Variants in PGCKA1 observed in about 807,000 individuals in gnomAD.
PGCKA1 encodes the protein PDCD10 and GCKIII kinases associated 1.
At chr4:37,532,824 C>G in the PGCKA1 span, among the ~76,000 whole-genome samples, 1 of 152,096 alleles carries the variant, frequency 6.6e-6, no homozygotes, top group African/African-American at 2.4e-5. Flanking sequence ...TGAATACTGT[C>G]AAGAAGTCTT....
At chr4:37,504,345 T>C in the PGCKA1 span, among the ~76,000 whole-genome samples, 1 of 152,218 alleles carries the variant, frequency 6.6e-6, no homozygotes, top group Non-Finnish European at 1.5e-5. Flanking sequence ...TAGCTTAATT[T>C]GAAGTTAGGG....
At chr4:37,554,604 T>C in the PGCKA1 span, among the ~76,000 whole-genome samples, 2 of 152,290 alleles carry the variant, frequency 1.3e-5, no homozygotes, top group African/African-American at 4.8e-5. Context: ...TGCCTCAGCC[T>C]CCCAAAGTGC....
chr4:37,573,990 C>A, the PGCKA1 span, among the ~76,000 whole-genome samples: 2 of 152,142 alleles, frequency 1.3e-5, no homozygotes, highest in African/African-American at 4.8e-5. Context: ...GAGTTCAAGA[C>A]CAGCCTGGCC....
the PGCKA1 span, among the ~76,000 whole-genome samples, chr4:37,564,592 C>T: frequency 0.033 from 5,010 of 151,986 alleles, 228 homozygotes; most frequent in East Asian, 0.14. Flanking sequence ...CTGTAACCTC[C>T]GCCTCTTGGA....
chr4:37,544,436 T>C, the PGCKA1 span, among the ~76,000 whole-genome samples: 30 of 152,278 alleles, frequency 2.0e-4, no homozygotes, highest in African/African-American at 5.8e-4. Context: ...ATTCCTTCCC[T>C]TCTTTTGTTT....
chr4:37,518,986 TGGATATCCAGTCTTCCCA>T, the PGCKA1 span, among the ~76,000 whole-genome samples: 2 of 152,362 alleles, frequency 1.3e-5, no homozygotes, highest in South Asian at 4.1e-4. Context: ...CTTCTGTATA[TGGATATCCAGTCTTCCCA>T]GGACCATTTA....
chr4:37,561,713 G>T, the PGCKA1 span, among the ~76,000 whole-genome samples: 1 of 152,300 alleles, frequency 6.6e-6, no homozygotes, highest in South Asian at 2.1e-4. Flanking sequence ...CAAACAAGGA[G>T]TTAGTGAATA....
chr4:37,590,854 G>A, the PGCKA1 span: 4 of 1,614,242 alleles, frequency 2.5e-6, no homozygotes, highest in Non-Finnish European at 2.5e-6. Context: ...CATGCCTGTG[G>A]TTGACTCAGG....
chr4:37,549,635 G>A, the PGCKA1 span, among the ~76,000 whole-genome samples: 32 of 152,178 alleles, frequency 2.1e-4, no homozygotes, highest in Admixed American at 5.2e-4. Context: ...GAAAATCCCC[G>A]CATAACCATT....
At chr4:37,495,750 A>G in the PGCKA1 span, among the ~76,000 whole-genome samples, 2 of 152,134 alleles carry the variant, frequency 1.3e-5, no homozygotes, top group Non-Finnish European at 2.9e-5. Context: ...AGAAATATCT[A>G]AAGTAGATGA....
At chr4:37,585,838 C>T in the PGCKA1 span, among the ~76,000 whole-genome samples, 1 of 151,886 alleles carries the variant, frequency 6.6e-6, no homozygotes, top group African/African-American at 2.4e-5. Flanking sequence ...ATAGCAAAAG[C>T]GATTTTTCTG....
the PGCKA1 span, among the ~76,000 whole-genome samples, chr4:37,511,581 G>GGC: frequency 3.7e-5 from 4 of 108,178 alleles, no homozygotes; most frequent in Non-Finnish European, 7.9e-5. Flanking sequence ...CAAGATGCAA[G>GGC]ACAGTTGTCC....
At chr4:37,457,622 G>A in the PGCKA1 span, among the ~76,000 whole-genome samples, 44 of 152,114 alleles carry the variant, frequency 2.9e-4, no homozygotes, top group Non-Finnish European at 5.7e-4. Context: ...TTATTAACGT[G>A]CAATAAATAC....
At chr4:37,524,940 C>A in the PGCKA1 span, among the ~76,000 whole-genome samples, 2 of 152,084 alleles carry the variant, frequency 1.3e-5, no homozygotes, top group African/African-American at 4.8e-5. Context: ...AAGGGAAAAA[C>A]CAAAGGATTT....
chr4:37,580,593 C>T, the PGCKA1 span, among the ~76,000 whole-genome samples: 2 of 152,204 alleles, frequency 1.3e-5, no homozygotes, highest in South Asian at 4.1e-4. Flanking sequence ...CGGGCAGACT[C>T]TTGTTCCCCA....
At chr4:37,585,913 T>C in the PGCKA1 span, among the ~76,000 whole-genome samples, 1 of 151,992 alleles carries the variant, frequency 6.6e-6, no homozygotes, top group Non-Finnish European at 1.5e-5. Flanking sequence ...TTGATAGAAA[T>C]ATACCATGTA....
the PGCKA1 span, among the ~76,000 whole-genome samples, chr4:37,527,364 G>A: frequency 6.6e-6 from 1 of 152,108 alleles, no homozygotes; most frequent in Admixed American, 6.5e-5. Flanking sequence ...TCCAGTAATA[G>A]CCTAGGCTTC....
chr4:37,463,221 G>A, the PGCKA1 span, among the ~76,000 whole-genome samples: 1 of 152,128 alleles, frequency 6.6e-6, no homozygotes, highest in Non-Finnish European at 1.5e-5. Flanking sequence ...AGCCACTGGT[G>A]AGCAGTGTAG....
chr4:37,586,661 G>A, the PGCKA1 span, among the ~76,000 whole-genome samples: 2 of 152,358 alleles, frequency 1.3e-5, no homozygotes, highest in African/African-American at 4.8e-5. Flanking sequence ...TGTAATCCCA[G>A]CACTTTCAGA....
Sources: allele counts gnomAD v4.1 joint callset (sites outside exome capture counted in the v4.1 genomes callset), GRCh38; gene constraint gnomAD v4.1.1; transcripts MANE v1.5; gene names NCBI Gene and HGNC (gene_info 2026-07-23, HGNC 2026-07-21).